Variants in KCNJ6 observed in about 807,000 individuals in gnomAD.
The protein encoded by KCNJ6 is G protein-activated inward rectifier potassium channel 2.
KCNJ6 carries 9 observed loss-of-function variants against 34.2 expected under a neutral mutation model. That is an observed-to-expected ratio of 0.26 (90% CI 0.16 to 0.46). KCNJ6 has a LOEUF of 0.46. Among genes scored for constraint, KCNJ6 ranks in the 20% least tolerant of loss-of-function variants. The pLI is 1.00. For synonymous variants in KCNJ6, 196 were observed against 207.1 expected, an observed-to-expected ratio of 0.95 and a Z score of 0.46; for missense variants, 236 against 531.3, an observed-to-expected ratio of 0.44 and a Z score of 5.46.
At chr21:37,881,933 G>A (rs756069205) in intron 1 of KCNJ6, among the ~76,000 whole-genome samples, 1 of 152,176 alleles carries the variant, frequency 6.6e-6, no homozygotes, top group African/African-American at 2.4e-5. Context: ...CCAACAGGAG[G>A]AAATTTGTGA....
chr21:37,817,516 G>T (rs1221870101), intron 2 of KCNJ6, among the ~76,000 whole-genome samples: 1 of 152,178 alleles, frequency 6.6e-6, no homozygotes, highest in East Asian at 1.9e-4. Context: ...CTAATGAATG[G>T]TAGTGTTGAG....
At chr21:37,909,162 G>A (rs937327750) in intron 1 of KCNJ6, among the ~76,000 whole-genome samples, 5 of 152,032 alleles carry the variant, frequency 3.3e-5, no homozygotes, top group East Asian at 1.9e-4. Flanking sequence ...GTCCTTGTAC[G>A]GCATCAACCA....
intron 2 of KCNJ6, among the ~76,000 whole-genome samples, chr21:37,755,953 C>T (rs551545774): frequency 7.0e-4 from 106 of 152,328 alleles, no homozygotes; most frequent in Middle Eastern, 3.4e-3. Flanking sequence ...AGTCTTTATT[C>T]GGTGGCTCGA....
chr21:37,629,800 G>A (rs188387698), intron 3 of KCNJ6, among the ~76,000 whole-genome samples: 8 of 152,286 alleles, frequency 5.3e-5, no homozygotes, highest in East Asian at 3.9e-4. Flanking sequence ...ATACCTTTCC[G>A]TAGTGCCATT....
chr21:37,748,781 G>A (rs2054979998), intron 2 of KCNJ6, among the ~76,000 whole-genome samples: 1 of 152,144 alleles, frequency 6.6e-6, no homozygotes, highest in South Asian at 2.1e-4. Context: ...TAGCACAAAG[G>A]ACAAACCTAG....
intron 1 of KCNJ6, among the ~76,000 whole-genome samples, chr21:37,911,440 A>G (rs952328090): frequency 5.9e-5 from 9 of 152,198 alleles, no homozygotes; most frequent in African/African-American, 2.2e-4. Flanking sequence ...TGGTACTTAA[A>G]TGCCAATTAT....
chr21:37,755,749 A>G (rs73408760), intron 2 of KCNJ6, among the ~76,000 whole-genome samples: 4,511 of 152,276 alleles, frequency 0.03, 228 homozygotes, highest in African/African-American at 0.1. Flanking sequence ...GGGTGCTACC[A>G]TGGGCCAGCC....
intron 3 of KCNJ6, among the ~76,000 whole-genome samples, chr21:37,668,258 C>T (rs1217338389): frequency 2.6e-5 from 4 of 152,148 alleles, no homozygotes; most frequent in East Asian, 1.9e-4. Flanking sequence ...TTCAGCCCCA[C>T]GTGAGGAGTT....
At chr21:37,729,637 T>C (rs858032) in intron 2 of KCNJ6, among the ~76,000 whole-genome samples, 110,112 of 152,182 alleles carry the variant, frequency 0.72, 41,242 homozygotes, top group Non-Finnish European at 0.82. Flanking sequence ...GATTCTTCTT[T>C]AAAGCGATTT....
intron 3 of KCNJ6, among the ~76,000 whole-genome samples, chr21:37,707,953 T>C (rs2054730101): frequency 6.6e-6 from 1 of 152,102 alleles, no homozygotes; most frequent in Admixed American, 6.5e-5. Context: ...AAGATGAGTA[T>C]TGACTTTAGA....
chr21:37,823,870 G>C (rs1003338899), intron 2 of KCNJ6, among the ~76,000 whole-genome samples: 2 of 3,644 alleles, frequency 5.5e-4, no homozygotes, highest in African/African-American at 2.7e-3. Context: ...GTTTCAGTCA[G>C]ACAGCAGAAG....
chr21:37,738,205 G>A (rs2054923055), intron 2 of KCNJ6, among the ~76,000 whole-genome samples: 1 of 152,224 alleles, frequency 6.6e-6, no homozygotes, highest in African/African-American at 2.4e-5. Flanking sequence ...TCCTGGGGAT[G>A]ACTTATTAAT....
intron 3 of KCNJ6, among the ~76,000 whole-genome samples, chr21:37,690,315 T>G (rs1314083088): frequency 6.6e-6 from 1 of 152,224 alleles, no homozygotes; most frequent in Non-Finnish European, 1.5e-5. Context: ...TTGAAGTTTA[T>G]AAAGCTTCAA....
intron 3 of KCNJ6, among the ~76,000 whole-genome samples, chr21:37,629,284 TAAAAC>T (rs1169989615): frequency 6.6e-6 from 1 of 152,160 alleles, no homozygotes; most frequent in Admixed American, 6.5e-5. Context: ...ATTTAATCAA[TAAAAC>T]AAAGTGATCC....
chr21:37,847,558 C>A (rs1462918831), intron 1 of KCNJ6, among the ~76,000 whole-genome samples: 1 of 152,210 alleles, frequency 6.6e-6, no homozygotes, highest in Non-Finnish European at 1.5e-5. Context: ...AAGATGGACA[C>A]TGGATAGAAG....
At chr21:37,838,787 T>G (rs7282807) in intron 2 of KCNJ6, among the ~76,000 whole-genome samples, 2 of 152,120 alleles carry the variant, frequency 1.3e-5, no homozygotes, top group Non-Finnish European at 2.9e-5. Context: ...TGTGTCCCCA[T>G]GCAAATCTCA....
At chr21:37,914,179 TA>T (rs1487553144) in intron 1 of KCNJ6, among the ~76,000 whole-genome samples, 1 of 152,126 alleles carries the variant, frequency 6.6e-6, no homozygotes, top group Non-Finnish European at 1.5e-5. Flanking sequence ...CCGCCATGCA[TA>T]AAATGGATGA....
chr21:37,795,502 T>C (rs187326752), intron 2 of KCNJ6, among the ~76,000 whole-genome samples: 8 of 152,200 alleles, frequency 5.3e-5, no homozygotes, highest in Admixed American at 2.6e-4. Context: ...CCTAACACTT[T>C]GGAAGGCCGA....
intron 2 of KCNJ6, among the ~76,000 whole-genome samples, chr21:37,779,646 G>T (rs2055159669): frequency 6.6e-6 from 1 of 152,174 alleles, no homozygotes; most frequent in East Asian, 1.9e-4. Flanking sequence ...TCAAAAATTG[G>T]CTGGTCCCAG....
Sources: allele counts gnomAD v4.1 joint callset (sites outside exome capture counted in the v4.1 genomes callset), GRCh38; gene constraint gnomAD v4.1.1; transcripts MANE v1.5; gene names NCBI Gene and HGNC (gene_info 2026-07-23, HGNC 2026-07-21).